PAM: variants seen among roughly 807,000 people sequenced by gnomAD.
PAM encodes the protein peptidyl-glycine alpha-amidating monooxygenase.
Under a neutral mutation model 122.1 loss-of-function variants are expected in PAM, and 72 were observed. The observed-to-expected ratio is 0.59, with a 90% CI of 0.49 to 0.72. The LOEUF (loss-of-function observed/expected upper bound fraction) is 0.72, where lower values mean the gene tolerates loss of function less well. Among genes scored for constraint, PAM ranks in the 30% least tolerant of loss-of-function variants. PAM has a pLI of 0.00. For synonymous variants in PAM, 389 were observed against 404.4 expected, an observed-to-expected ratio of 0.96 and a Z score of 0.46; for missense variants, 1,106 against 1,183.7, an observed-to-expected ratio of 0.93 and a Z score of 0.96.
chr5:102,877,013 A>G (rs980398859), intron 3 of PAM, among the ~76,000 whole-genome samples: 1 of 152,224 alleles, frequency 6.6e-6, no homozygotes, highest in African/African-American at 2.4e-5. Context: ...GAGCCTGGCT[A>G]TGGTTTAGTC....
At chr5:102,860,449 G>A (rs1051404495) in intron 1 of PAM, among the ~76,000 whole-genome samples, 3 of 152,178 alleles carry the variant, frequency 2.0e-5, no homozygotes, top group East Asian at 1.9e-4. Context: ...TTGGAAGGGC[G>A]AGGTGGGGGA....
intron 1 of PAM, among the ~76,000 whole-genome samples, chr5:102,783,760 A>G (rs1759682825): frequency 6.6e-6 from 1 of 152,310 alleles, no homozygotes; most frequent in Admixed American, 6.5e-5. Context: ...GGAAAAGGGG[A>G]AGATGAATAG....
intron 1 of PAM, among the ~76,000 whole-genome samples, chr5:102,757,597 C>G (rs1203416683): frequency 6.6e-6 from 1 of 152,150 alleles, no homozygotes; most frequent in Non-Finnish European, 1.5e-5. Flanking sequence ...TTGTGGTTCC[C>G]ACATACAGTT....
chr5:102,990,222 G>C (rs752324841), intron 15 of PAM, 50 bp from the exon 16 acceptor site: 2 of 1,396,302 alleles, frequency 1.4e-6, no homozygotes, highest in South Asian at 3.6e-5. Context: ...ATCCTCATGA[G>C]GCAATTCGAC....
intron 1 of PAM, among the ~76,000 whole-genome samples, chr5:102,815,191 G>T (rs1769377735): frequency 6.6e-6 from 1 of 151,940 alleles, no homozygotes; most frequent in South Asian, 2.1e-4. Flanking sequence ...TCCTTCTGAT[G>T]GGGACAAGTT....
intron 3 of PAM, 98 bp downstream of exon 3, chr5:102,867,491 C>G: frequency 1.3e-6 from 1 of 785,786 alleles, no homozygotes; most frequent in Non-Finnish European, 2.0e-6. Flanking sequence ...CTTCTTTAAA[C>G]GTAGGCATTT....
At chr5:102,911,550 A>G (rs1299904313) in intron 4 of PAM, among the ~76,000 whole-genome samples, 1 of 151,962 alleles carries the variant, frequency 6.6e-6, no homozygotes, top group Admixed American at 6.6e-5. Flanking sequence ...ACTTTGATTA[A>G]TTAAGATTTG....
chr5:102,903,039 T>A (rs1798470042), intron 4 of PAM, among the ~76,000 whole-genome samples: 1 of 151,572 alleles, frequency 6.6e-6, no homozygotes, highest in Non-Finnish European at 1.5e-5. Context: ...AGTAAAATAT[T>A]CACAGGAAAC....
Position 103,021,189 on chromosome 5 carries a change from C to T in PAM, c.2485+1346C>T, listed in dbSNP as rs148457336. On this transcript the variant is annotated intron_variant, in intron 23 of 25. Transcript: ENST00000438793. ...GATCAGAATTCCTACTAAGATAGTA[C>T]ATTTTAGAGTCAAGCTTTAAACCAA... Among the ~76,000 whole-genome samples the T allele has an allele frequency of 1.6e-4, 25 of 152,250 alleles. No homozygotes were observed. In the East Asian group the frequency reaches 4.8e-3, roughly 29 times the overall value.
chr5:102,957,939 A>C (rs1180347145), intron 12 of PAM, among the ~76,000 whole-genome samples: 1 of 152,200 alleles, frequency 6.6e-6, no homozygotes, highest in Non-Finnish European at 1.5e-5. Flanking sequence ...AAAGTTCTAG[A>C]ATTCCCTCTC....
intron 1 of PAM, among the ~76,000 whole-genome samples, chr5:102,857,447 C>T (rs1561648180): frequency 6.6e-6 from 1 of 152,128 alleles, no homozygotes; most frequent in Non-Finnish European, 1.5e-5. Context: ...GGAAAAAACC[C>T]ATGCAGGCCA....
chr5:103,028,386 A>G, intron 25 of PAM, 148 bp downstream of exon 25: 1 of 601,586 alleles, frequency 1.7e-6, no homozygotes. Flanking sequence ...TAAATACAGA[A>G]TGCACACCAT....
In PAM at chr5:102,864,523, G is replaced by T. The variant is rs1423681047; in HGVS notation, c.-373-1300G>T. On this transcript the variant is annotated intron_variant, in intron 1 of 25. Coordinates refer to ENST00000438793, the MANE Select transcript of PAM (RefSeq NM_001177306.2). ...CAGGTTTTATTTATATTTGGTATAT[G>T]GTATCTAGAAAGCACTTATCATGAA... The T allele has an allele frequency of 2.6e-5, 4 of 152,194 alleles. No individual in the cohort carries two copies. In the East Asian group the frequency reaches 5.8e-4, roughly 22 times the overall value. 9.4% of individuals were successfully genotyped at this position (152,194 alleles called of 1,614,324 possible). A position where few individuals can be genotyped will look rare whatever the true frequency, so the allele number is the denominator to read the frequency against.
At chr5:102,761,120 G>A (rs1201643895) in intron 1 of PAM, among the ~76,000 whole-genome samples, 1 of 152,192 alleles carries the variant, frequency 6.6e-6, no homozygotes, top group Non-Finnish European at 1.5e-5. Flanking sequence ...CAGCTGTGCT[G>A]GTGTGGTCTC....
intron 1 of PAM, among the ~76,000 whole-genome samples, chr5:102,816,522 C>T (rs940884055): frequency 1.3e-5 from 2 of 152,120 alleles, no homozygotes; most frequent in African/African-American, 4.8e-5. Flanking sequence ...CCCTCCTCTC[C>T]TTCAAAGCCA....
chr5:102,858,585 C>G (rs1463434911), intron 1 of PAM, among the ~76,000 whole-genome samples: 1 of 152,138 alleles, frequency 6.6e-6, no homozygotes, highest in Non-Finnish European at 1.5e-5. Context: ...TTTCTTTTAT[C>G]AAAACATTAC....
At chr5:102,889,569 A>G (rs1447992780) in intron 3 of PAM, among the ~76,000 whole-genome samples, 3 of 150,888 alleles carry the variant, frequency 2.0e-5, no homozygotes, top group Non-Finnish European at 3.0e-5. Context: ...TGTGTCTTCT[A>G]TTTTTTTTAA....
intron 1 of PAM, among the ~76,000 whole-genome samples, chr5:102,830,029 A>G (rs1432884716): frequency 2.0e-5 from 3 of 152,196 alleles, no homozygotes; most frequent in African/African-American, 2.4e-5. Context: ...CAACACGTAT[A>G]GATGTTTTGG....
At chr5:102,756,799 T>A (rs1750504388) in intron 1 of PAM, among the ~76,000 whole-genome samples, 1 of 152,068 alleles carries the variant, frequency 6.6e-6, no homozygotes, top group African/African-American at 2.4e-5. Flanking sequence ...TGATATTAAA[T>A]GGTAAGCCCT....
Sources: gnomAD v4.1 joint callset for allele counts (sites outside exome capture counted in the v4.1 genomes callset) on GRCh38, gnomAD v4.1.1 for gene constraint, MANE v1.5 for transcripts, NCBI Gene and HGNC (gene_info 2026-07-23, HGNC 2026-07-21) for gene names.